Variants in THNSL1 observed in about 807,000 individuals in gnomAD.
THNSL1 encodes the protein threonine synthase like 1, also known as threonine synthase-like 1.
Under a neutral mutation model 50.4 loss-of-function variants are expected in THNSL1, and 48 were observed. That is an observed-to-expected ratio of 0.95 (90% CI 0.76 to 1.21). The LOEUF is 1.21. THNSL1 is among the 50% of genes most tolerant of loss of function. The pLI is 0.00. For synonymous variants in THNSL1, 309 were observed against 306.1 expected, an observed-to-expected ratio of 1.01 and a Z score of -0.10; for missense variants, 896 against 871.7, an observed-to-expected ratio of 1.03 and a Z score of -0.35.
At chr10:24,973,852 CATGTG>C in the THNSL1 span, among the ~76,000 whole-genome samples, 1 of 152,116 alleles carries the variant, frequency 6.6e-6, no homozygotes, top group African/African-American at 2.4e-5. Flanking sequence ...TCCCTGGGTT[CATGTG>C]ATTCTCCTGC....
chr10:25,006,581 A>G, the THNSL1 span, among the ~76,000 whole-genome samples: 1 of 152,200 alleles, frequency 6.6e-6, no homozygotes, highest in Admixed American at 6.5e-5. Flanking sequence ...GTAGGTCCTC[A>G]TTTGTAGCTC....
the THNSL1 span, among the ~76,000 whole-genome samples, chr10:24,973,193 C>A: frequency 6.6e-6 from 1 of 151,990 alleles, no homozygotes. Context: ...TTGGCATATC[C>A]GACTTGCCAG....
At chr10:24,985,269 A>C in the THNSL1 span, among the ~76,000 whole-genome samples, 1 of 152,206 alleles carries the variant, frequency 6.6e-6, no homozygotes. Context: ...CGAGTCAAAA[A>C]CATTTTTGAA....
chr10:25,002,681 G>A, the THNSL1 span, among the ~76,000 whole-genome samples: 26 of 152,190 alleles, frequency 1.7e-4, no homozygotes, highest in African/African-American at 5.3e-4. Flanking sequence ...GTAACAACTT[G>A]TATTATCTTC....
rs764019883 is a variant in THNSL1, at chr10:25,024,282, G to T, written c.1059G>T (p.Leu353Phe). The T allele has an allele frequency of 6.2e-7, 1 of 1,614,128 alleles. No homozygotes were observed. The highest frequency in any genetic ancestry group is 1.7e-5 in the Admixed American group (1 of 60,016). Residue 353 changes from leucine to phenylalanine, a missense_variant, in exon 3 of 3, where the codon TTG (leucine) becomes TTT (phenylalanine). Leu to Phe is a conservative substitution (Grantham distance 22). Coordinates refer to ENST00000376356, the MANE Select transcript of THNSL1 (RefSeq NM_024838.5). ...FHGPTGSFKD[L>F]SLQLMPHIFA... is the part of the protein sequence containing the mutation. ...GACCAACAGGATCATTTAAAGATTT[G>T]TCTTTACAGCTTATGCCTCATATTT... is the stretch of plus-strand genomic sequence containing the variant.
chr10:24,998,972 T>C, the THNSL1 span, among the ~76,000 whole-genome samples: 1 of 152,210 alleles, frequency 6.6e-6, no homozygotes, highest in Admixed American at 6.5e-5. Flanking sequence ...GTACTCAAAA[T>C]GAGCCCAGTA....
chr10:24,969,039 A>G, the THNSL1 span, among the ~76,000 whole-genome samples: 1 of 152,154 alleles, frequency 6.6e-6, no homozygotes, highest in Non-Finnish European at 1.5e-5. Context: ...GATTACAAGT[A>G]TGTGCCACTA....
At chr10:24,985,760 A>G in the THNSL1 span, among the ~76,000 whole-genome samples, 1 of 152,246 alleles carries the variant, frequency 6.6e-6, no homozygotes, top group African/African-American at 2.4e-5. Flanking sequence ...ACACTTTTTA[A>G]TTATTCATTA....
At chr10:25,017,008 T>G (rs1030287812) in intron 1 of THNSL1, among the ~76,000 whole-genome samples, 2 of 152,160 alleles carry the variant, frequency 1.3e-5, no homozygotes, top group African/African-American at 4.8e-5. Context: ...CTCCTCCGCC[T>G]GCTGCGCTCG....
the THNSL1 span, among the ~76,000 whole-genome samples, chr10:24,966,788 C>A: frequency 1.3e-5 from 2 of 152,160 alleles, no homozygotes; most frequent in Non-Finnish European, 2.9e-5. Context: ...CTCCATGCTT[C>A]AATTTCCCTA....
chr10:24,960,366 T>G, the THNSL1 span, among the ~76,000 whole-genome samples: 2 of 152,256 alleles, frequency 1.3e-5, no homozygotes, highest in Middle Eastern at 3.4e-3. Flanking sequence ...AAGAGTCCTA[T>G]GGGTTGCACT....
the THNSL1 span, among the ~76,000 whole-genome samples, chr10:24,960,657 C>A: frequency 2.6e-4 from 39 of 152,134 alleles, no homozygotes; most frequent in African/African-American, 9.4e-4. Flanking sequence ...GAACTCCTGA[C>A]CTCAAGTGAT....
chr10:25,003,669 G>C, the THNSL1 span, among the ~76,000 whole-genome samples: 1 of 152,106 alleles, frequency 6.6e-6, no homozygotes. Context: ...GACTTTATTA[G>C]ATAATTGGCT....
the THNSL1 span, among the ~76,000 whole-genome samples, chr10:24,978,077 T>C: frequency 5.3e-5 from 8 of 152,340 alleles, no homozygotes; most frequent in African/African-American, 1.7e-4. Context: ...TATATCTGCG[T>C]GTGCAGTTTT....
chr10:24,996,284 T>G, the THNSL1 span, among the ~76,000 whole-genome samples: 2 of 152,126 alleles, frequency 1.3e-5, no homozygotes, highest in Admixed American at 6.5e-5. Flanking sequence ...TAGCCAAGCA[T>G]GATAGTGTGC....
the THNSL1 span, among the ~76,000 whole-genome samples, chr10:24,973,679 A>G: frequency 6.6e-6 from 1 of 152,208 alleles, no homozygotes; most frequent in African/African-American, 2.4e-5. Flanking sequence ...GCAAGTATAA[A>G]ATTCGAAGAG....
chr10:24,952,676 G>A, the THNSL1 span: 7 of 862,212 alleles, frequency 8.1e-6, no homozygotes, highest in African/African-American at 1.7e-5. This position sits in a 1 kb window ranked among gnomAD's most constrained non-coding sequence, Gnocchi z 5.1. Context: ...ACGGGGACGG[G>A]GACGGGGACG....
At chr10:24,952,564 GC>G in the THNSL1 span, 9 of 1,592,106 alleles carry the variant, frequency 5.7e-6, no homozygotes, top group Admixed American at 1.8e-5. The surrounding 1 kb of genome is among the most constrained non-coding windows in gnomAD (Gnocchi z 5.1). Context: ...CCTCCTCGCT[GC>G]TCCCGGCCAT....
the THNSL1 span, among the ~76,000 whole-genome samples, chr10:25,010,907 G>C: frequency 9.9e-5 from 15 of 151,482 alleles, no homozygotes; most frequent in Non-Finnish European, 7.4e-5. Context: ...ATAAACATAC[G>C]TGTGCATGTG....
Sources: gnomAD v4.1 joint callset for allele counts (sites outside exome capture counted in the v4.1 genomes callset) on GRCh38, gnomAD v4.1.1 for gene constraint, Gnocchi (gnomAD v3.1) non-coding constraint, MANE v1.5 for transcripts, NCBI Gene and HGNC (gene_info 2026-07-23, HGNC 2026-07-21) for gene names.